TCF7L2: variants seen among roughly 807,000 people sequenced by gnomAD.
TCF7L2 encodes the protein transcription factor 7 like 2.
A neutral mutation model predicts 77.9 loss-of-function variants in TCF7L2; 23 were observed. The observed-to-expected ratio is 0.30, with a 90% CI of 0.21 to 0.42. The LOEUF (loss-of-function observed/expected upper bound fraction) is 0.42, where lower values mean the gene tolerates loss of function less well. TCF7L2 is among the 10% of genes least tolerant of loss of function. TCF7L2 has a pLI of 1.00. For missense variants in TCF7L2, 654 were observed against 793.1 expected, an observed-to-expected ratio of 0.82 and a Z score of 2.11; for synonymous variants, 413 against 340.2, an observed-to-expected ratio of 1.21 and a Z score of -2.36.
intron 6 of TCF7L2, among the ~76,000 whole-genome samples, chr10:113,141,745 C>T (rs1023715924): frequency 2.0e-5 from 3 of 152,148 alleles, no homozygotes; most frequent in Admixed American, 6.5e-5. Context: ...TTCCAAGCCT[C>T]GGCTCCCTCA....
chr10:113,021,582 T>C (rs1196810202), intron 4 of TCF7L2, among the ~76,000 whole-genome samples: 1 of 152,216 alleles, frequency 6.6e-6, no homozygotes, highest in Non-Finnish European at 1.5e-5. Flanking sequence ...ACTCTGAAAG[T>C]AGTTACCTCC....
intron 5 of TCF7L2, among the ~76,000 whole-genome samples, chr10:113,041,688 T>C (rs932569641): frequency 6.6e-6 from 1 of 151,654 alleles, no homozygotes; most frequent in African/African-American, 2.4e-5. Context: ...AATGCCCTGT[T>C]AAAAAAAAAT....
intron 5 of TCF7L2, among the ~76,000 whole-genome samples, chr10:113,123,041 C>T (rs2065037993): frequency 6.6e-6 from 1 of 152,140 alleles, no homozygotes; most frequent in South Asian, 2.1e-4. Flanking sequence ...GGGCTTTAAA[C>T]CCTCAGTAGA....
chr10:113,113,156 C>T (rs1213955001), intron 5 of TCF7L2, among the ~76,000 whole-genome samples: 1 of 152,118 alleles, frequency 6.6e-6, no homozygotes, highest in Non-Finnish European at 1.5e-5. Context: ...ACTGGCCAAC[C>T]CGGTCTGCCT....
chr10:113,093,077 G>C (rs2060568902), intron 5 of TCF7L2, among the ~76,000 whole-genome samples: 1 of 152,176 alleles, frequency 6.6e-6, no homozygotes, highest in Non-Finnish European at 1.5e-5. Context: ...ACAGGCGGTG[G>C]TCATGGGATA....
intron 5 of TCF7L2, among the ~76,000 whole-genome samples, chr10:113,041,338 C>T (rs143399088): frequency 2.0e-5 from 3 of 152,304 alleles, no homozygotes; most frequent in Admixed American, 2.0e-4. Context: ...AATGGATGCT[C>T]ATAATTACAT....
rs58375206 is a variant in TCF7L2 at position 113,027,525 on chromosome 10, A to G, written c.451-12500A>G. Among the ~76,000 whole-genome samples the G allele has an allele frequency of 2.9e-3, 437 of 152,198 alleles. 8 individuals are homozygous for G. Among genetic ancestry groups the G allele is most frequent in the Admixed American group, 9.9e-3 (151 of 15,290 alleles). On this transcript the variant is annotated intron_variant, in intron 4 of 13. Transcript: ENST00000627217. Reference sequence around the variant, plus strand: ...CTTCTTGGCATATTCTAGTCAGTCTATGTATACAATTAAAAAAACAAAACA... The same window carrying G: ...CTTCTTGGCATATTCTAGTCAGTCTGTGTATACAATTAAAAAAACAAAACA...
chr10:112,965,932 G>A (rs952270318), intron 4 of TCF7L2, among the ~76,000 whole-genome samples: 1 of 151,874 alleles, frequency 6.6e-6, no homozygotes, highest in Non-Finnish European at 1.5e-5. Context: ...CCAGCACTTT[G>A]GGAGGCTGAG....
chr10:113,082,817 C>G (rs1342081819), intron 5 of TCF7L2, among the ~76,000 whole-genome samples: 2 of 151,976 alleles, frequency 1.3e-5, no homozygotes, highest in Non-Finnish European at 2.9e-5. Flanking sequence ...GAGGTGGACA[C>G]AACCCTTAGA....
At chr10:113,130,017 G>T (rs1357375017) in intron 5 of TCF7L2, 1 of 1,230,140 alleles carries the variant, frequency 8.1e-7, no homozygotes, top group South Asian at 1.4e-5. Flanking sequence ...GTGTGTGTAT[G>T]GGGGGATGTG....
chr10:113,041,534 A>G (rs747987591), intron 5 of TCF7L2, among the ~76,000 whole-genome samples: 17 of 152,120 alleles, frequency 1.1e-4, no homozygotes, highest in Non-Finnish European at 2.4e-4. Flanking sequence ...GAGCCTTGTG[A>G]TGTCTTCTCT....
chr10:113,008,095 G>T (rs534824809), intron 4 of TCF7L2, among the ~76,000 whole-genome samples: 41 of 152,308 alleles, frequency 2.7e-4, no homozygotes, highest in Admixed American at 7.8e-4. Flanking sequence ...TTCTCCACTT[G>T]ATCTCTTGCT....
At position 113,111,671 on chromosome 10, in the gene TCF7L2, C is replaced by A. The variant is rs2063146850; in HGVS notation, c.553-29513C>A. 2.0e-5 allele frequency among the ~76,000 whole-genome samples: 3 copies of A among 152,152 alleles called. No homozygotes were observed. The East Asian group carries it at 5.8e-4, about 29-fold the overall frequency. ...GCCAGGCGTGGTGGCATGTGCCCATCACCTCAGCCACTCGGGAGGCTGAGA... is the reference window on the plus strand; with the variant it reads ...GCCAGGCGTGGTGGCATGTGCCCATAACCTCAGCCACTCGGGAGGCTGAGA... On this transcript the variant is annotated intron_variant, in intron 5 of 13. Coordinates refer to ENST00000627217, the MANE Select transcript of TCF7L2 (RefSeq NM_001146274.2).
At chr10:113,123,701 A>T (rs2065135811) in intron 5 of TCF7L2, among the ~76,000 whole-genome samples, 1 of 152,184 alleles carries the variant, frequency 6.6e-6, no homozygotes, top group Non-Finnish European at 1.5e-5. Flanking sequence ...AGGCAATAAT[A>T]ATTTGACACA....
chr10:113,086,501 A>G (rs767893816), intron 5 of TCF7L2, among the ~76,000 whole-genome samples: 1 of 152,204 alleles, frequency 6.6e-6, no homozygotes, highest in Non-Finnish European at 1.5e-5. Context: ...CTGAACCTGC[A>G]TCTATGGGAA....
intron 4 of TCF7L2, among the ~76,000 whole-genome samples, chr10:113,001,661 G>A (rs574129806): frequency 5.4e-4 from 82 of 152,128 alleles, no homozygotes; most frequent in Non-Finnish European, 1.1e-3. Flanking sequence ...TGGCTTGGGT[G>A]ACCCCCCTAT....
intron 12 of TCF7L2, 104 bp downstream of exon 13, chr10:113,158,821 A>G: frequency 1.7e-6 from 2 of 1,154,808 alleles, no homozygotes; most frequent in Non-Finnish European, 2.4e-6. Flanking sequence ...ACATTTGAAC[A>G]TTCTTTAAAA....
intron 5 of TCF7L2, among the ~76,000 whole-genome samples, chr10:113,070,763 T>G (rs969988719): frequency 6.6e-6 from 1 of 152,146 alleles, no homozygotes; most frequent in Non-Finnish European, 1.5e-5. Context: ...CCCTCCTTCT[T>G]AAAAAATTAT....
chr10:113,149,832 G>C (rs1201454212), intron 8 of TCF7L2, among the ~76,000 whole-genome samples: 1 of 152,192 alleles, frequency 6.6e-6, no homozygotes, highest in African/African-American at 2.4e-5. Flanking sequence ...GAATCACCTT[G>C]CCAGGTTGGA....
Sources: allele counts gnomAD v4.1 joint callset (sites outside exome capture counted in the v4.1 genomes callset), GRCh38; gene constraint gnomAD v4.1.1; transcripts MANE v1.5; gene names NCBI Gene and HGNC (gene_info 2026-07-23, HGNC 2026-07-21).